Variants in TSPAN7 observed in about 807,000 individuals in gnomAD.
The protein encoded by TSPAN7 is tetraspanin 7.
A neutral mutation model predicts 17.6 loss-of-function variants in TSPAN7; 1 was observed. The ratio of observed to expected loss-of-function variants is 0.06; its 90% CI spans 0.02 to 0.27. The LOEUF is 0.27. Ranked by LOEUF, TSPAN7 falls within the 10% of genes least tolerant of loss-of-function variation. TSPAN7 has a pLI of 1.00. For missense variants in TSPAN7, 112 were observed against 201.7 expected (o/e 0.56, Z 2.69); for synonymous variants, 78 against 79.0 (o/e 0.99, Z 0.07).
intron 1 of TSPAN7, among the ~76,000 whole-genome samples, chrX:38,585,137 T>C (rs764660170): frequency 1.1e-4 from 12 of 112,017 alleles, no homozygotes; most frequent in Non-Finnish European, 2.1e-4. Context: ...TTTGCTTTTA[T>C]GAATAATGCT....
chrX:38,619,430 T>C (rs2069476565), intron 1 of TSPAN7, among the ~76,000 whole-genome samples: 1 of 112,136 alleles, frequency 8.9e-6, no homozygotes. Flanking sequence ...CAGTGTTTAT[T>C]AGCTAAGGCA....
At chrX:38,654,717 AC>A (rs1432349794) in intron 1 of TSPAN7, among the ~76,000 whole-genome samples, 44 of 65,998 alleles carry the variant, frequency 6.7e-4, no homozygotes, top group African/African-American at 4.7e-3. Context: ...CTGGGGATAC[AC>A]CCATGAATAG....
chrX:38,660,943 TGA>T (rs1310719436), intron 1 of TSPAN7, among the ~76,000 whole-genome samples: 4 of 112,159 alleles, frequency 3.6e-5, no homozygotes, highest in African/African-American at 9.7e-5. Context: ...AAGGATTTAG[TGA>T]GAGGAAATAA....
intron 1 of TSPAN7, chrX:38,566,393 T>TA (rs1379034953): frequency 2.2e-6 from 2 of 895,482 alleles, no homozygotes; most frequent in South Asian, 4.8e-5. Flanking sequence ...GCAAACAATG[T>TA]CAGGCTTATA....
intron 1 of TSPAN7, among the ~76,000 whole-genome samples, chrX:38,601,699 T>TA (rs2069347860): frequency 8.9e-6 from 1 of 111,938 alleles, no homozygotes; most frequent in Admixed American, 9.5e-5. Flanking sequence ...TATTGTTGTA[T>TA]AAAAATCCAT....
chrX:38,563,893 A>T (rs2069128288), intron 1 of TSPAN7, among the ~76,000 whole-genome samples: 1 of 112,028 alleles, frequency 8.9e-6, no homozygotes, highest in Non-Finnish European at 1.9e-5. Flanking sequence ...ACAAGACGTT[A>T]TTTTTAAGTA....
intron 6 of TSPAN7, among the ~76,000 whole-genome samples, chrX:38,682,478 C>A (rs1569316980): frequency 8.9e-6 from 1 of 112,285 alleles, no homozygotes; most frequent in African/African-American, 3.2e-5. Context: ...AGAACTTTAG[C>A]CTGATGGTTT....
intron 1 of TSPAN7, among the ~76,000 whole-genome samples, chrX:38,649,826 G>T (rs1409582893): frequency 8.9e-6 from 1 of 112,177 alleles, no homozygotes; most frequent in Non-Finnish European, 1.9e-5. Context: ...ATGTTAATCT[G>T]TGGGTTGCCC....
chrX:38,574,889 G>A (rs1345985013), intron 1 of TSPAN7, among the ~76,000 whole-genome samples: 1 of 109,922 alleles, frequency 9.1e-6, no homozygotes. Flanking sequence ...CCCTCTGCTT[G>A]GGTGTGGGTG....
chrX:38,628,250 G>T (rs1342611333), intron 1 of TSPAN7, among the ~76,000 whole-genome samples: 1 of 112,900 alleles, frequency 8.9e-6, no homozygotes, highest in Admixed American at 9.3e-5. Flanking sequence ...AGCAAGGTAT[G>T]CAAATGACTC....
chrX:38,620,680 T>C (rs1455363243), intron 1 of TSPAN7, among the ~76,000 whole-genome samples: 2 of 111,301 alleles, frequency 1.8e-5, no homozygotes, highest in Non-Finnish European at 3.8e-5. Context: ...CTTCAAGGGA[T>C]CAAACCCAGT....
intron 4 of TSPAN7, among the ~76,000 whole-genome samples, chrX:38,675,142 A>G (rs767238509): frequency 1.8e-5 from 2 of 112,117 alleles, no homozygotes; most frequent in African/African-American, 6.5e-5. Context: ...AAACTCTGTC[A>G]CAACTACTCA....
intron 2 of TSPAN7, among the ~76,000 whole-genome samples, chrX:38,670,359 C>T (rs1331161524): frequency 9.0e-6 from 1 of 111,695 alleles, no homozygotes; most frequent in Admixed American, 9.5e-5. Context: ...CTTAATGTTT[C>T]GTAAATACCA....
chrX:38,570,114 CA>C (rs2147394571), intron 1 of TSPAN7, among the ~76,000 whole-genome samples: 1 of 111,606 alleles, frequency 9.0e-6, no homozygotes, highest in African/African-American at 3.3e-5. Flanking sequence ...TTCTTCCCAC[CA>C]GATGAAGTCC....
chrX:38,647,368 C>T (rs969826902), intron 1 of TSPAN7, among the ~76,000 whole-genome samples: 2 of 112,069 alleles, frequency 1.8e-5, no homozygotes, highest in Admixed American at 1.9e-4. Flanking sequence ...CCGCCTGCCT[C>T]GGCCTCCCAA....
intron 1 of TSPAN7, among the ~76,000 whole-genome samples, chrX:38,642,279 G>C (rs900785862): frequency 7.2e-5 from 8 of 111,739 alleles, no homozygotes; most frequent in African/African-American, 2.3e-4. Flanking sequence ...TCAACAAAAT[G>C]ATGTTGAATA....
intron 1 of TSPAN7, among the ~76,000 whole-genome samples, chrX:38,660,539 T>C (rs1020590286): frequency 1.8e-5 from 2 of 112,205 alleles, no homozygotes; most frequent in Non-Finnish European, 3.8e-5. Flanking sequence ...TTATTGATGA[T>C]GTGTGTGGAG....
At chrX:38,626,119 A>C (rs923924542) in intron 1 of TSPAN7, among the ~76,000 whole-genome samples, 3 of 112,157 alleles carry the variant, frequency 2.7e-5, no homozygotes, top group Non-Finnish European at 3.8e-5. Flanking sequence ...ATATAGTGGT[A>C]CTAAAGAAGT....
chrX:38,639,627 T>G (rs1240756710), intron 1 of TSPAN7, among the ~76,000 whole-genome samples: 2 of 106,605 alleles, frequency 1.9e-5, no homozygotes, highest in Non-Finnish European at 3.9e-5. Context: ...CACATCACAT[T>G]CTGCCACATA....
Sources: gnomAD v4.1 joint callset for allele counts (sites outside exome capture counted in the v4.1 genomes callset) on GRCh38, gnomAD v4.1.1 for gene constraint, MANE v1.5 for transcripts, NCBI Gene and HGNC (gene_info 2026-07-23, HGNC 2026-07-21) for gene names.